DNPEP: variants seen among roughly 807,000 people sequenced by gnomAD.
DNPEP encodes aspartyl aminopeptidase.
In DNPEP, 46 loss-of-function variants were observed where a neutral mutation model predicts 59.1. The ratio of observed to expected loss-of-function variants is 0.78; its 90% CI spans 0.61 to 0.99. The LOEUF (loss-of-function observed/expected upper bound fraction) is 0.99, where lower values mean the gene tolerates loss of function less well. Ranked by LOEUF, DNPEP falls within the 50% of genes least tolerant of loss-of-function variation. DNPEP has a pLI of 0.00. For synonymous variants in DNPEP, 229 were observed against 242.2 expected (o/e 0.95, Z 0.50); for missense variants, 617 against 649.9 (o/e 0.95, Z 0.55).
upstream of DNPEP, chr2:219,388,939 T>G: frequency 1.1e-6 from 1 of 927,624 alleles, no homozygotes; most frequent in Non-Finnish European, 1.3e-6. Context: ...TCCGTCGAGG[T>G]AATAAACGGC....
chr2:219,386,177 GGTGGTCCTC>G (rs1356280060), intron 5 of DNPEP, 79 bp from the exon 6 acceptor site: 6 of 1,459,030 alleles, frequency 4.1e-6, no homozygotes, highest in Non-Finnish European at 4.5e-6. Flanking sequence ...GACTAAGCAG[GGTGGTCCTC>G]TGACCAGACT....
upstream of DNPEP, among the ~76,000 whole-genome samples, chr2:219,389,830 C>CTTAATAAATAAATAAATAAATAAA: frequency 6.0e-4 from 1 of 1,666 alleles, no homozygotes; most frequent in Non-Finnish European, 2.0e-3. Context: ...GAGATTCTGT[C>CTTAATAAATAAATAAATAAATAAA]TCAATAAATA....
chr2:219,391,257 G>C (rs914940402), upstream of DNPEP, among the ~76,000 whole-genome samples: 2 of 152,148 alleles, frequency 1.3e-5, no homozygotes, highest in Admixed American at 6.5e-5. Flanking sequence ...GTATATGTCA[G>C]CCTCTTTCGT....
At chr2:219,393,135 G>A (rs899546549), upstream of DNPEP, among the ~76,000 whole-genome samples, 1 of 152,064 alleles carries the variant, frequency 6.6e-6, no homozygotes, top group African/African-American at 2.4e-5. Flanking sequence ...TAAAATACAC[G>A]AACCCTAACA....
Position 219,399,885 on chromosome 2 carries a change from C to T in DNPEP, c.-158+55G>A, listed in dbSNP as rs1238753023. On this transcript the variant is annotated intron_variant, in intron 1 of 6. Transcript: ENST00000434339. ...GGTTACCTTGTGGTAGCCATTGAGC[C>T]AGCTGTTGGGGACGAACATGATGGA... 4.5e-6 allele frequency: 7 copies of T among 1,550,580 alleles called. No homozygotes were observed. In the South Asian group the frequency reaches 4.8e-5, roughly 11 times the overall value.
intron 14 of DNPEP, 61 bp downstream of exon 14, chr2:219,374,794 C>G: frequency 6.4e-7 from 1 of 1,566,474 alleles, no homozygotes; most frequent in Non-Finnish European, 8.7e-7. Flanking sequence ...TCCCAGCAAC[C>G]AATCCAGGCA....
chr2:219,384,816 C>G (rs991714444), intron 8 of DNPEP: 3 of 195,980 alleles, frequency 1.5e-5, no homozygotes, highest in South Asian at 7.9e-5. Flanking sequence ...TGATTCCCCC[C>G]GCCTCAGCCT....
intron 4 of DNPEP, 65 bp downstream of exon 4, chr2:219,386,600 G>T: frequency 6.6e-7 from 1 of 1,506,726 alleles, no homozygotes; most frequent in Non-Finnish European, 9.1e-7. Context: ...GTACCTCCTA[G>T]TTCTCTTTTG....
At chr2:219,382,628 C>A (rs578252391) in intron 10 of DNPEP, among the ~76,000 whole-genome samples, 1 of 152,136 alleles carries the variant, frequency 6.6e-6, no homozygotes, top group Non-Finnish European at 1.5e-5. Context: ...GCCCCTTTGC[C>A]CTCTCTTCCC....
intron 1 of DNPEP, chr2:219,399,476 C>T: frequency 2.2e-6 from 1 of 464,866 alleles, no homozygotes; most frequent in South Asian, 1.5e-5. Context: ...GGCTGAGGCC[C>T]AGGGATCTCC....
At chr2:219,381,865 G>T (rs1259756969) in intron 11 of DNPEP, 114 bp downstream of exon 11, 1 of 1,347,032 alleles carries the variant, frequency 7.4e-7, no homozygotes, top group Non-Finnish European at 1.0e-6. Flanking sequence ...TGAACCTCCC[G>T]GCAGAATGAA....
At chr2:219,388,586 C>A, upstream of DNPEP, 1 of 580,744 alleles carries the variant, frequency 1.7e-6, no homozygotes, top group African/African-American at 2.0e-5. Context: ...GCCGCGCGAC[C>A]CGCAGCCGCC....
chr2:219,378,691 G>A (rs1255387735), intron 13 of DNPEP, among the ~76,000 whole-genome samples: 1 of 152,240 alleles, frequency 6.6e-6, no homozygotes, highest in Middle Eastern at 3.4e-3. Context: ...CAGTGGTCCC[G>A]TAAGATTATA....
In DNPEP at chr2:219,386,292, A is replaced by G. The variant is rs747880680; in HGVS notation, c.453T>C (p.Ile151=). The G allele has an allele frequency of 1.2e-6, 2 of 1,614,130 alleles. No homozygotes were observed. The highest frequency in any genetic ancestry group is 1.7e-5 in the Admixed American group (1 of 60,016). The change falls in exon 5 of 15, where the codon ATT becomes ATC. Residue 151 remains isoleucine, a synonymous_variant. Coordinates refer to ENST00000273075, the MANE Select transcript of DNPEP (RefSeq NM_012100.4). Reference sequence around the variant, plus strand: ...CCCCAACCTCGGTTCCCACCTTGACAATGACGCGTCCAGCCAGAGTCAGGT... The same window carrying G: ...CCCCAACCTCGGTTCCCACCTTGACGATGACGCGTCCAGCCAGAGTCAGGT... ...DRDLTLAGRV[I]VKCPTSGRLE... is the part of the protein sequence containing the mutation.
chr2:219,383,085 G>A lies in DNPEP; in HGVS notation c.936+46C>T, dbSNP rs773742773. 17 of 1,570,934 alleles carry A rather than the reference G, an allele frequency of 1.1e-5. No individual in the cohort carries two copies. The East Asian group carries it at 3.4e-4, about 31-fold the overall frequency. The stretch of plus-strand genomic sequence containing the variant: ...GGATGCCTGGCACAACAAGTTGGCT[G>A]TGGAAGACTCCGCAGAGGTGACCCT... On this transcript the variant is annotated intron_variant, in intron 10 of 14. Coordinates refer to ENST00000273075, the MANE Select transcript of DNPEP (RefSeq NM_012100.4).
chr2:219,387,005 G>A, intron 2 of DNPEP, 25 bp from the exon 3 acceptor site: 2 of 1,613,872 alleles, frequency 1.2e-6, no homozygotes, highest in Non-Finnish European at 1.7e-6. Flanking sequence ...CCCTCTCACA[G>A]CGATGGAAGC....
At chr2:219,387,457 A>T (rs1475667864) in intron 1 of DNPEP, 1 of 1,429,284 alleles carries the variant, frequency 7.0e-7, no homozygotes. Flanking sequence ...TCTGCTCCCA[A>T]ACTCCGGGAT....
chr2:219,377,980 CTG>C (rs1953440831), intron 13 of DNPEP, among the ~76,000 whole-genome samples: 1 of 149,692 alleles, frequency 6.7e-6, no homozygotes, highest in Non-Finnish European at 1.5e-5. Flanking sequence ...GTGAAGATGA[CTG>C]AGTGAAAAGA....
intron 14 of DNPEP, 41 bp from the exon 15 acceptor site, chr2:219,374,383 A>T (rs1421663532): frequency 1.9e-6 from 3 of 1,585,028 alleles, no homozygotes; most frequent in African/African-American, 2.7e-5. Flanking sequence ...TTAGTGAGTG[A>T]CCAGATGGAG....
Sources: allele counts gnomAD v4.1 joint callset (sites outside exome capture counted in the v4.1 genomes callset), GRCh38; gene constraint gnomAD v4.1.1; transcripts MANE v1.5; gene names NCBI Gene and HGNC (gene_info 2026-07-23, HGNC 2026-07-21).